The following RBFOX1 variants were observed in gnomAD, a reference collection of about 807,000 sequenced individuals.
The protein encoded by RBFOX1 is RNA binding protein fox-1 homolog 1.
RBFOX1 carries 8 observed loss-of-function variants against 57.7 expected under a neutral mutation model. That is an observed-to-expected ratio of 0.14 (90% confidence interval 0.08 to 0.25). The LOEUF is 0.25. RBFOX1 is among the 10% of genes least tolerant of loss of function. RBFOX1 has a pLI of 1.00. For missense variants in RBFOX1, 611 were observed against 548.5 expected, an observed-to-expected ratio of 1.11 and a Z score of -1.14; for synonymous variants, 326 against 222.4, an observed-to-expected ratio of 1.47 and a Z score of -4.15.
chr16:5,677,974 G>A (rs2050216781), intron 3 of RBFOX1, among the ~76,000 whole-genome samples: 1 of 152,218 alleles, frequency 6.6e-6, no homozygotes, highest in South Asian at 2.1e-4. Context: ...GATGCTCATG[G>A]TGGAGCACCG....
chr16:7,202,988 G>A (rs551632132), intron 4 of RBFOX1, among the ~76,000 whole-genome samples: 5 of 152,188 alleles, frequency 3.3e-5, no homozygotes, highest in East Asian at 1.9e-4. Context: ...GGATTTCACC[G>A]TGTGAGCCAG....
intron 4 of RBFOX1, among the ~76,000 whole-genome samples, chr16:7,477,132 C>T (rs532511611): frequency 6.6e-6 from 1 of 152,104 alleles, no homozygotes; most frequent in Non-Finnish European, 1.5e-5. Context: ...TTGTTAAGAC[C>T]TGTCACACAT....
chr16:5,801,112 C>G (rs1056120839), intron 3 of RBFOX1, among the ~76,000 whole-genome samples: 2 of 152,162 alleles, frequency 1.3e-5, no homozygotes, highest in African/African-American at 4.8e-5. Context: ...GGAAGTGGAG[C>G]TGGAAGTTCC....
intron 3 of RBFOX1, among the ~76,000 whole-genome samples, chr16:6,822,145 C>T (rs938126528): frequency 5.3e-5 from 8 of 152,068 alleles, no homozygotes; most frequent in East Asian, 3.9e-4. Context: ...GGAAGCAAAA[C>T]GGGAGCTCGT....
intron 6 of RBFOX1, among the ~76,000 whole-genome samples, chr16:7,586,480 A>C (rs965034869): frequency 6.6e-6 from 1 of 152,230 alleles, no homozygotes; most frequent in South Asian, 2.1e-4. Flanking sequence ...TTGAAGTTCA[A>C]ATAAACCACA....
chr16:6,314,602 G>A (rs1318390823), intron 1 of RBFOX1, among the ~76,000 whole-genome samples: 5 of 152,130 alleles, frequency 3.3e-5, no homozygotes, highest in African/African-American at 7.2e-5. Flanking sequence ...TTAAGTATTT[G>A]ATTTAGCTGG....
At chr16:7,307,721 C>T (rs2096223642) in intron 4 of RBFOX1, among the ~76,000 whole-genome samples, 1 of 152,162 alleles carries the variant, frequency 6.6e-6, no homozygotes, top group South Asian at 2.1e-4. Context: ...CATAGGAACA[C>T]ACAAATTTGT....
chr16:6,628,465 T>C (rs1415303706), intron 2 of RBFOX1, among the ~76,000 whole-genome samples: 2 of 152,236 alleles, frequency 1.3e-5, no homozygotes, highest in Non-Finnish European at 2.9e-5. Flanking sequence ...CATAATATAC[T>C]ATATACCCAG....
At chr16:6,911,966 G>T (rs8062832) in intron 3 of RBFOX1, among the ~76,000 whole-genome samples, 23 of 152,004 alleles carry the variant, frequency 1.5e-4, no homozygotes, top group Admixed American at 1.4e-3. Context: ...TTTGAGGCTT[G>T]GGAGTAGAAA....
At chr16:6,233,530 G>C (rs536304648) in intron 1 of RBFOX1, among the ~76,000 whole-genome samples, 59 of 152,202 alleles carry the variant, frequency 3.9e-4, no homozygotes, top group Non-Finnish European at 7.1e-4. Flanking sequence ...TCCTTCGTGT[G>C]GGTGGAGGCA....
chr16:6,685,241 C>T (rs4786911), intron 3 of RBFOX1, among the ~76,000 whole-genome samples: 112,994 of 149,690 alleles, frequency 0.75, 43,407 homozygotes, highest in South Asian at 0.82. Context: ...TAAATGACTT[C>T]ACGTAAGTGT....
intron 1 of RBFOX1, among the ~76,000 whole-genome samples, chr16:5,352,418 A>T (rs1174209525): frequency 6.6e-6 from 1 of 152,152 alleles, no homozygotes; most frequent in Non-Finnish European, 1.5e-5. Flanking sequence ...GACATCTACA[A>T]TGAACACCCT....
chr16:7,018,898 C>G (rs545423856), intron 3 of RBFOX1, among the ~76,000 whole-genome samples: 1 of 152,106 alleles, frequency 6.6e-6, no homozygotes, highest in African/African-American at 2.4e-5. Flanking sequence ...GTGGGAGGAT[C>G]TCTTGAGCTC....
chr16:7,284,557 C>G (rs2095611577), intron 4 of RBFOX1, among the ~76,000 whole-genome samples: 1 of 151,938 alleles, frequency 6.6e-6, no homozygotes, highest in Admixed American at 6.6e-5. Context: ...TCTCGATCTC[C>G]TGGCCTCAAG....
chr16:6,510,986 T>A (rs62017765), intron 2 of RBFOX1, among the ~76,000 whole-genome samples: 43,492 of 152,074 alleles, frequency 0.29, 7,639 homozygotes, highest in Non-Finnish European at 0.4. Flanking sequence ...CACGGCAGCA[T>A]CCAATGCTGT....
In RBFOX1 at chr16:5,266,397, G is replaced by C. The variant is rs1264460653; in HGVS notation, c.219+26292G>C. Among the ~76,000 whole-genome samples, 10 of 152,182 alleles carry C rather than the reference G, an allele frequency of 6.6e-5. No homozygotes were observed. The South Asian group carries it at 2.1e-3, about 32-fold the overall frequency. On this transcript the variant is annotated intron_variant, in intron 1 of 2. Transcript: ENST00000585867. ...GCATAATAGCCCCCATCTGAGAACT[G>C]CTGCTCTCATAAAGGACAATGTCAG... is the stretch of plus-strand genomic sequence containing the variant.
chr16:7,263,873 C>G (rs1490651674), intron 4 of RBFOX1, among the ~76,000 whole-genome samples: 6 of 150,096 alleles, frequency 4.0e-5, no homozygotes, highest in Non-Finnish European at 8.9e-5. Flanking sequence ...GCACTCCAGC[C>G]TGGGCAACAA....
rs1243858756 is a variant in RBFOX1, at chr16:7,198,068, C to T, written c.27+145970C>T. ...TCGCCCAGGCTGGAATGCCGTGGAG[C>T]GATCTCGGCTCACTGCAAGCTCCAC... is the stretch of plus-strand genomic sequence containing the variant. On this transcript the variant is annotated intron_variant, in intron 4 of 15. Coordinates refer to ENST00000550418, the MANE Select transcript of RBFOX1 (RefSeq NM_018723.4). Among the ~76,000 whole-genome samples the T allele has an allele frequency of 7.3e-5, 9 of 123,852 alleles. No homozygotes were observed. In the South Asian group the frequency reaches 1.6e-3, roughly 22 times the overall value. 81.3% of individuals were successfully genotyped at this position (123,852 alleles called of 152,430 possible). A position where few individuals can be genotyped will look rare whatever the true frequency, so the allele number is the denominator to read the frequency against.
intron 3 of RBFOX1, among the ~76,000 whole-genome samples, chr16:5,836,771 C>G (rs538715041): frequency 6.6e-6 from 1 of 152,320 alleles, no homozygotes; most frequent in Admixed American, 6.5e-5. Context: ...CCAGTTGTGA[C>G]AACTACAAAT....
Sources: allele counts gnomAD v4.1 joint callset (sites outside exome capture counted in the v4.1 genomes callset), GRCh38; gene constraint gnomAD v4.1.1; transcripts MANE v1.5; gene names NCBI Gene and HGNC (gene_info 2026-07-23, HGNC 2026-07-21).